SYNE2: variants seen among roughly 807,000 people sequenced by gnomAD.
The protein encoded by SYNE2 is nesprin-2.
A neutral mutation model predicts 856.3 loss-of-function variants in SYNE2; 431 were observed. The ratio of observed to expected loss-of-function variants is 0.50; its 90% confidence interval spans 0.47 to 0.55. The LOEUF (loss-of-function observed/expected upper bound fraction) is 0.55. Among genes scored for constraint, SYNE2 ranks in the 20% least tolerant of loss-of-function variants. The pLI, the probability that SYNE2 is intolerant of heterozygous loss-of-function variation, is 0.00. For synonymous variants in SYNE2, 2,923 were observed against 2,872.3 expected, an observed-to-expected ratio of 1.02 and a Z score of -0.56; for missense variants, 8,129 against 8,023.2, an observed-to-expected ratio of 1.01 and a Z score of -0.50.
At chr14:63,869,659 A>AC (rs1555354440) in intron 1 of SYNE2, among the ~76,000 whole-genome samples, 8 of 150,146 alleles carry the variant, frequency 5.3e-5, no homozygotes, top group South Asian at 2.1e-4. Context: ...AAAAAAAAAA[A>AC]CTGCTCCCAA....
At chr14:64,022,517 G>A (rs552156424) in intron 37 of SYNE2, among the ~76,000 whole-genome samples, 1 of 152,228 alleles carries the variant, frequency 6.6e-6, no homozygotes, top group African/African-American at 2.4e-5. Context: ...TGGATTGCTT[G>A]AGCTCAAGAG....
intron 1 of SYNE2, among the ~76,000 whole-genome samples, chr14:63,812,083 T>A (rs1392053946): frequency 6.6e-6 from 1 of 152,146 alleles, no homozygotes; most frequent in African/African-American, 2.4e-5. Context: ...GGGTGGGGTT[T>A]CTTCCCCAAC....
chr14:64,087,391 G>C, intron 57 of SYNE2: 1 of 592,600 alleles, frequency 1.7e-6, no homozygotes, highest in Non-Finnish European at 3.3e-6. Context: ...TATAATAAAA[G>C]ACACTTCTCT....
At chr14:63,807,845 A>ATATATATATATG (rs1888434277) in intron 1 of SYNE2, among the ~76,000 whole-genome samples, 1 of 102,190 alleles carries the variant, frequency 9.8e-6, no homozygotes, top group African/African-American at 3.3e-5. Context: ...ATATATATAT[A>ATATATATATATG]TATATATATA....
Position 64,141,560 on chromosome 14 carries a change from C to G in SYNE2, c.15159+37C>G, listed in dbSNP as rs145769165. Reference sequence around the variant, plus strand: ...GAGCCTCAGCATTTGAATTAGCATTCACTTGTTAGCTCATAACTCTTTTAA... The same window carrying G: ...GAGCCTCAGCATTTGAATTAGCATTGACTTGTTAGCTCATAACTCTTTTAA... On this transcript the variant is annotated intron_variant, in intron 81 of 115. Coordinates refer to ENST00000555002, the MANE Select transcript of SYNE2 (RefSeq NM_182914.3). The G allele has an allele frequency of 2.5e-6, 4 of 1,588,922 alleles. No individual in the cohort carries two copies. In the Admixed American group the frequency reaches 6.7e-5, roughly 27 times the overall value.
At chr14:63,893,306 C>T (rs548643453) in intron 1 of SYNE2, among the ~76,000 whole-genome samples, 1 of 152,162 alleles carries the variant, frequency 6.6e-6, no homozygotes, top group East Asian at 1.9e-4. Context: ...CACTTTTAAT[C>T]GTAGCCGTTT....
Position 64,024,265 on chromosome 14 carries a change from G to C in SYNE2, c.5646G>C (p.Leu1882Phe). 1.2e-6 allele frequency: 2 copies of C among 1,613,780 alleles called. No homozygotes were observed. The highest frequency in any genetic ancestry group is 2.2e-5 in the South Asian group (2 of 90,962). Residue 1882 changes from leucine (L) to phenylalanine (F), a missense_variant, in exon 39 of 116, where the codon TTG (leucine) becomes TTC (phenylalanine). Leu to Phe is a conservative substitution (Grantham distance 22). Coordinates refer to ENST00000555002, the MANE Select transcript of SYNE2 (RefSeq NM_182914.3). ...EQKLQKLSDFLTLEGRNSKIK... is the reference protein window; with the variant it reads ...EQKLQKLSDFFTLEGRNSKIK... ...TTTTTGTCTTTCTGAAGGATTTCTT[G>C]ACTCTTGAAGGAAGAAACAGTAAAA...
chr14:63,899,106 TA>T (rs2095300609), intron 1 of SYNE2, among the ~76,000 whole-genome samples: 1 of 152,250 alleles, frequency 6.6e-6, no homozygotes, highest in Non-Finnish European at 1.5e-5. Context: ...GTACCTTATG[TA>T]AGTGGAATCA....
chr14:64,140,171 T>C, intron 80 of SYNE2, 98 bp downstream of exon 80: 6 of 1,260,250 alleles, frequency 4.8e-6, no homozygotes, highest in East Asian at 2.3e-5. Flanking sequence ...TATTTATTTG[T>C]GGATAAGGGG....
chr14:64,120,151 A>G (rs1422549844), intron 67 of SYNE2, among the ~76,000 whole-genome samples: 1 of 152,168 alleles, frequency 6.6e-6, no homozygotes, highest in African/African-American at 2.4e-5. Flanking sequence ...AAAGATTTGC[A>G]TGTGCTTATG....
chr14:63,956,622 A>G (rs1281194578), intron 8 of SYNE2, among the ~76,000 whole-genome samples: 1 of 152,144 alleles, frequency 6.6e-6, no homozygotes, highest in African/African-American at 2.4e-5. Context: ...GGTTTCTAGT[A>G]TACAGCCTGC....
intron 2 of SYNE2, among the ~76,000 whole-genome samples, chr14:63,937,964 C>T (rs964985570): frequency 1.3e-5 from 2 of 152,066 alleles, no homozygotes; most frequent in African/African-American, 4.8e-5. Flanking sequence ...GGAGTTGGGG[C>T]ACTAGAGTGA....
At chr14:64,188,997 G>C in intron 98 of SYNE2, 1 of 702,326 alleles carries the variant, frequency 1.4e-6, no homozygotes, top group Non-Finnish European at 2.6e-6. Flanking sequence ...TTACATGTCA[G>C]CTGATACCCC....
chr14:64,201,125 G>C (rs142639497), intron 99 of SYNE2, among the ~76,000 whole-genome samples: 4 of 152,316 alleles, frequency 2.6e-5, no homozygotes, highest in African/African-American at 9.6e-5. Flanking sequence ...TCAGCGGTTA[G>C]GTACATTGCA....
At chr14:64,109,946 G>A (rs1009650923) in intron 65 of SYNE2, among the ~76,000 whole-genome samples, 11 of 152,112 alleles carry the variant, frequency 7.2e-5, no homozygotes, top group South Asian at 2.1e-4. Flanking sequence ...TTCTTGACCC[G>A]TATTACAACC....
chr14:63,917,262 A>C (rs1260511886), intron 2 of SYNE2, among the ~76,000 whole-genome samples: 1 of 152,190 alleles, frequency 6.6e-6, no homozygotes, highest in Non-Finnish European at 1.5e-5. Context: ...TTACTCAGTT[A>C]TGATAAATAA....
chr14:64,003,749 G>T (rs530018352), intron 30 of SYNE2, among the ~76,000 whole-genome samples: 2 of 139,318 alleles, frequency 1.4e-5, no homozygotes, highest in South Asian at 4.4e-4. Flanking sequence ...TTCTTCCTTA[G>T]TTATTTGGTC....
chr14:63,957,507 GT>G (rs1189064536), intron 8 of SYNE2, among the ~76,000 whole-genome samples: 1 of 151,676 alleles, frequency 6.6e-6, no homozygotes, highest in Admixed American at 6.6e-5. Flanking sequence ...GGCCTCAAGT[GT>G]TTGCCCACCT....
At chr14:63,970,952 C>T (rs1168368829) in intron 11 of SYNE2, among the ~76,000 whole-genome samples, 1 of 151,800 alleles carries the variant, frequency 6.6e-6, no homozygotes, top group Admixed American at 6.6e-5. Flanking sequence ...TGTGCCTGGC[C>T]CCCGTTTCTC....
Sources: allele counts gnomAD v4.1 joint callset (sites outside exome capture counted in the v4.1 genomes callset), GRCh38; gene constraint gnomAD v4.1.1; transcripts MANE v1.5; gene names NCBI Gene and HGNC (gene_info 2026-07-23, HGNC 2026-07-21).